Variants in ABHD17C observed in about 807,000 individuals in gnomAD.
The protein encoded by ABHD17C is alpha/beta hydrolase domain-containing protein 17C.
ABHD17C carries 11 observed loss-of-function variants against 27.9 expected under a neutral mutation model. That is an observed-to-expected ratio of 0.39 (90% CI 0.25 to 0.65). The LOEUF is 0.65. ABHD17C is among the 30% of genes least tolerant of loss of function. The probability of loss-of-function intolerance (pLI) is 0.45; values close to 1 mark genes in which losing one functional copy is unlikely to be tolerated. For synonymous variants in ABHD17C, 233 were observed against 209.1 expected (o/e 1.11, Z -0.98); for missense variants, 280 against 470.2 (o/e 0.60, Z 3.74).
At position 80,752,525 on chromosome 15, in the gene ABHD17C, G is replaced by T. The variant is rs900773917; in HGVS notation, c.771-1626G>T. On this transcript the variant is annotated intron_variant, in intron 2 of 2. Coordinates refer to ENST00000258884, the MANE Select transcript of ABHD17C (RefSeq NM_021214.2). The stretch of plus-strand genomic sequence containing the variant: ...CAGTTTCCTCCTTGATAAAACAGAG[G>T]TGGTCATTCCTCTCTCACTGTGTTT... 3.3e-5 allele frequency among the ~76,000 whole-genome samples: 5 copies of T among 152,130 alleles called. No homozygotes were observed. In the South Asian group the frequency reaches 1.0e-3, roughly 31 times the overall value.
intron 1 of ABHD17C, among the ~76,000 whole-genome samples, chr15:80,707,823 AT>A (rs1345240888): frequency 6.6e-6 from 1 of 152,194 alleles, no homozygotes; most frequent in African/African-American, 2.4e-5. Flanking sequence ...GGGGATATCC[AT>A]TTTTGAGCCC....
intron 1 of ABHD17C, among the ~76,000 whole-genome samples, chr15:80,728,794 A>T (rs1895017640): frequency 6.6e-6 from 1 of 152,222 alleles, no homozygotes; most frequent in Non-Finnish European, 1.5e-5. Context: ...GATTGATTGT[A>T]GAGATGTGGT....
chr15:80,710,639 G>A (rs759295085), intron 1 of ABHD17C, among the ~76,000 whole-genome samples: 31 of 152,208 alleles, frequency 2.0e-4, no homozygotes, highest in Admixed American at 3.3e-4. Context: ...ATGCAGAGTG[G>A]TGAAGGGGAG....
intron 1 of ABHD17C, among the ~76,000 whole-genome samples, chr15:80,703,838 C>T (rs957663630): frequency 1.3e-5 from 2 of 152,164 alleles, no homozygotes; most frequent in East Asian, 1.9e-4. Context: ...TTCCAAGACC[C>T]CCAGTGGATG....
At chr15:80,699,155 A>G (rs1171025341) in intron 1 of ABHD17C, among the ~76,000 whole-genome samples, 1 of 152,118 alleles carries the variant, frequency 6.6e-6, no homozygotes, top group Admixed American at 6.6e-5. Flanking sequence ...GAGTTATCAC[A>G]GTGTTGCTGT....
Position 80,695,920 on chromosome 15 carries a change from TCTC to T in ABHD17C, c.494_496del (p.Ser165del). 1 of 1,597,390 alleles carries T rather than the reference TCTC, an allele frequency of 6.3e-7. No individual in the cohort carries two copies. Among genetic ancestry groups the T allele is most frequent in the Non-Finnish European group, 8.5e-7 (1 of 1,179,334 alleles). On this transcript the variant is annotated inframe_deletion, in exon 1 of 3. Transcript: ENST00000258884. This position sits in a 1 kb window ranked among gnomAD's most constrained non-coding sequence, Gnocchi z 4.3. ...GGCTCCCGCATCAACTGCAACATCT[TCTC>T]CTACGACTACTCGGGATACGGCGTC...
At chr15:80,709,159 T>C (rs1041723920) in intron 1 of ABHD17C, among the ~76,000 whole-genome samples, 1 of 151,680 alleles carries the variant, frequency 6.6e-6, no homozygotes, top group Non-Finnish European at 1.5e-5. Flanking sequence ...TAAATATATG[T>C]ATATATTGTA....
chr15:80,754,521 T>G lies in ABHD17C; in HGVS notation c.*151T>G. The G allele has an allele frequency of 1.5e-6, 1 of 646,770 alleles. No individual in the cohort carries two copies. Among genetic ancestry groups the G allele is most frequent in the Non-Finnish European group, 2.6e-6 (1 of 380,518 alleles). 40.1% of individuals were successfully genotyped at this position (646,770 alleles called of 1,614,324 possible). A position where few individuals can be genotyped will look rare whatever the true frequency, so the allele number is the denominator to read the frequency against. ...AATCAAAGAGCTGATGAAATCTCAG[T>G]CTTTTGTATCTAGAGGTGGTTCTGC... On this transcript the variant is annotated 3_prime_UTR_variant, in exon 3 of 3. Coordinates refer to ENST00000258884, the MANE Select transcript of ABHD17C (RefSeq NM_021214.2).
chr15:80,696,079 T>C (rs1418223511), intron 1 of ABHD17C, 60 bp downstream of exon 1: 2 of 1,465,188 alleles, frequency 1.4e-6, no homozygotes, highest in African/African-American at 1.4e-5. Flanking sequence ...GGTGGGGGTC[T>C]CTTGGGGCCC....
intron 1 of ABHD17C, chr15:80,705,161 T>C (rs1311820202): frequency 6.6e-6 from 1 of 152,316 alleles, no homozygotes; most frequent in African/African-American, 2.4e-5. Context: ...TGGACTTCTG[T>C]GTGGCTTGGG....
At chr15:80,746,389 T>A (rs1372142712) in intron 1 of ABHD17C, among the ~76,000 whole-genome samples, 1 of 152,182 alleles carries the variant, frequency 6.6e-6, no homozygotes. Flanking sequence ...TTCTTATGGG[T>A]GTCTTCTGAT....
chr15:80,754,072 A>G, intron 2 of ABHD17C, 79 bp from the exon 3 acceptor site: 1 of 1,131,150 alleles, frequency 8.8e-7, no homozygotes, highest in East Asian at 2.4e-5. Flanking sequence ...TTATTAACTT[A>G]TCATTAAATG....
At chr15:80,707,943 C>T (rs1264732753) in intron 1 of ABHD17C, among the ~76,000 whole-genome samples, 1 of 152,084 alleles carries the variant, frequency 6.6e-6, no homozygotes, top group African/African-American at 2.4e-5. Flanking sequence ...AAATGGTTTC[C>T]AATTCCTGTT....
intron 1 of ABHD17C, among the ~76,000 whole-genome samples, chr15:80,713,310 T>G (rs1228853049): frequency 1.4e-5 from 2 of 146,078 alleles, no homozygotes; most frequent in Non-Finnish European, 3.0e-5. Flanking sequence ...GTGGATAAAT[T>G]TAATACCAAA....
intron 1 of ABHD17C, among the ~76,000 whole-genome samples, chr15:80,705,606 A>C (rs1451812788): frequency 6.6e-6 from 1 of 152,234 alleles, no homozygotes; most frequent in African/African-American, 2.4e-5. Context: ...AAATGCTCAG[A>C]TCATGCTGAA....
At chr15:80,708,938 T>C (rs1160565140) in intron 1 of ABHD17C, among the ~76,000 whole-genome samples, 1 of 152,112 alleles carries the variant, frequency 6.6e-6, no homozygotes, top group East Asian at 1.9e-4. Flanking sequence ...GTCTGTATTT[T>C]AGGAACCTGG....
At chr15:80,712,593 G>A (rs189740560) in intron 1 of ABHD17C, among the ~76,000 whole-genome samples, 4 of 152,300 alleles carry the variant, frequency 2.6e-5, no homozygotes, top group African/African-American at 7.2e-5. Context: ...GAGGAGAAGG[G>A]GAATGTTTGT....
chr15:80,737,449 A>C (rs1445474915), intron 1 of ABHD17C, among the ~76,000 whole-genome samples: 1 of 152,220 alleles, frequency 6.6e-6, no homozygotes, highest in East Asian at 1.9e-4. Context: ...TTGTTCAAAA[A>C]CAGCTTTTGG....
intron 1 of ABHD17C, among the ~76,000 whole-genome samples, chr15:80,725,337 G>A (rs1301206027): frequency 2.0e-5 from 3 of 152,188 alleles, no homozygotes; most frequent in African/African-American, 2.4e-5. Context: ...ATGGGCTGTT[G>A]CAGACATGGG....
Sources: allele counts gnomAD v4.1 joint callset (sites outside exome capture counted in the v4.1 genomes callset), GRCh38; gene constraint gnomAD v4.1.1; non-coding constraint Gnocchi (gnomAD v3.1); transcripts MANE v1.5; gene names NCBI Gene and HGNC (gene_info 2026-07-23, HGNC 2026-07-21).